ACSL4: variants seen among roughly 807,000 people sequenced by gnomAD.
ACSL4 encodes the protein long-chain-fatty-acid--CoA ligase 4.
ACSL4 carries 9 observed loss-of-function variants against 49.1 expected under a neutral mutation model. The ratio of observed to expected loss-of-function variants is 0.18; its 90% CI spans 0.11 to 0.32. ACSL4 has a LOEUF of 0.32. Ranked by LOEUF, ACSL4 falls within the 10% of genes least tolerant of loss-of-function variation. ACSL4 has a pLI of 1.00. For synonymous variants in ACSL4, 191 were observed against 170.3 expected, an observed-to-expected ratio of 1.12 and a Z score of -0.95; for missense variants, 333 against 493.7, an observed-to-expected ratio of 0.67 and a Z score of 3.08.
Position 109,665,642 on chromosome X carries a change from C to T in ACSL4, c.1316-148G>A, listed in dbSNP as rs190547829. 1.1e-3 allele frequency: 577 copies of T among 512,718 alleles called. 3 individuals are homozygous for T. The African/African-American group carries it at 0.012, about 11-fold the overall frequency. The allele number at this position is 512,718 out of a possible 1,213,427, so 42.3% of individuals were successfully genotyped here. Reference sequence around the variant, plus strand: ...ATCATTTTTCAGTATTTCAACTCCACTTCAATAGTGCAATGGATTCCATTG... The same window carrying T: ...ATCATTTTTCAGTATTTCAACTCCATTTCAATAGTGCAATGGATTCCATTG... On this transcript the variant is annotated intron_variant, in intron 11 of 15. Coordinates refer to ENST00000672401, the MANE Select transcript of ACSL4 (RefSeq NM_001318510.2).
At position 109,730,241 on chromosome X, in the gene ACSL4, G is replaced by T. The variant is rs865920453; in HGVS notation, c.-66+2898C>A. Among the ~76,000 whole-genome samples, 354 of 112,290 alleles carry T rather than the reference G, an allele frequency of 3.2e-3. 1 individual carries two copies. The highest frequency in any genetic ancestry group is 0.011 in the African/African-American group (328 of 30,907). ...AGCGTATTATTTCTTACAACTATAT[G>T]TGAATCTACAACTATCTCAAAATAA... On this transcript the variant is annotated intron_variant, in intron 1 of 15. Coordinates refer to ENST00000672401, the MANE Select transcript of ACSL4 (RefSeq NM_001318510.2).
intron 1 of ACSL4, among the ~76,000 whole-genome samples, chrX:109,723,076 A>T (rs1202386347): frequency 9.0e-6 from 1 of 111,562 alleles, no homozygotes; most frequent in African/African-American, 3.3e-5. Context: ...TCGATAGCAG[A>T]AAACATCATT....
intron 14 of ACSL4, among the ~76,000 whole-genome samples, chrX:109,661,108 A>T (rs903348331): frequency 8.9e-6 from 1 of 111,908 alleles, no homozygotes; most frequent in Non-Finnish European, 1.9e-5. Context: ...TACAATTTTT[A>T]AAAAAGAATA....
At chrX:109,648,573 G>A (rs1224196721) in intron 15 of ACSL4, among the ~76,000 whole-genome samples, 2 of 111,656 alleles carry the variant, frequency 1.8e-5, no homozygotes, top group African/African-American at 3.3e-5. Flanking sequence ...ACATTATACT[G>A]AATGGGCAAA....
At chrX:109,683,070 G>A (rs1314831606) in intron 3 of ACSL4, 66 bp downstream of exon 3, 7 of 1,126,829 alleles carry the variant, frequency 6.2e-6, no homozygotes, top group East Asian at 6.1e-5. Context: ...AAACGCACTC[G>A]ATTTATGATA....
chrX:109,701,852 C>T (rs769745541), intron 1 of ACSL4, among the ~76,000 whole-genome samples: 76 of 95,605 alleles, frequency 7.9e-4, no homozygotes, highest in African/African-American at 2.7e-3. Context: ...CTAACACATA[C>T]AATTTTTAAA....
chrX:109,653,265 C>T (rs1042247185), intron 15 of ACSL4, among the ~76,000 whole-genome samples: 1 of 111,799 alleles, frequency 8.9e-6, no homozygotes, highest in African/African-American at 3.3e-5. Flanking sequence ...TACCATCTCA[C>T]ACCAGTTAGA....
intron 2 of ACSL4, among the ~76,000 whole-genome samples, chrX:109,686,354 T>C (rs1603406205): frequency 8.9e-6 from 1 of 112,306 alleles, no homozygotes; most frequent in East Asian, 2.8e-4. Flanking sequence ...CATCAAAGGA[T>C]AGTCATAATC....
In ACSL4 at chrX:109,725,741, A is replaced by AAAAAT. The variant is rs774145372; in HGVS notation, c.-66+7393_-66+7397dup. On this transcript the variant is annotated intron_variant, in intron 1 of 15. Transcript: ENST00000672401. ...GGCAAAAGAGCGAGACTCCATCTCA[A>AAAAAT]AAAATAAAATAAAATAAAATAAAAT... Among the ~76,000 whole-genome samples the AAAAAT allele has an allele frequency of 3.2e-3, 357 of 111,514 alleles. 3 individuals carry two copies. The highest frequency in any genetic ancestry group is 0.011 in the African/African-American group (332 of 30,633).
intron 2 of ACSL4, among the ~76,000 whole-genome samples, chrX:109,693,907 T>C (rs1341566161): frequency 9.0e-6 from 1 of 111,636 alleles, no homozygotes. Flanking sequence ...GCTATAAATA[T>C]GTATGTGTGT....
At chrX:109,695,465 C>G (rs912475612) in intron 2 of ACSL4, among the ~76,000 whole-genome samples, 1 of 110,276 alleles carries the variant, frequency 9.1e-6, no homozygotes, top group Non-Finnish European at 1.9e-5. Flanking sequence ...CGCCTGTAAT[C>G]CAGCACTTTG....
intron 15 of ACSL4, among the ~76,000 whole-genome samples, chrX:109,646,737 C>A (rs1368588443): frequency 5.4e-5 from 6 of 110,094 alleles, no homozygotes; most frequent in African/African-American, 1.3e-4. Context: ...AAATTGGATA[C>A]AGAGTCAAGA....
At chrX:109,716,636 C>T (rs1417205212) in intron 1 of ACSL4, among the ~76,000 whole-genome samples, 1 of 112,221 alleles carries the variant, frequency 8.9e-6, no homozygotes, top group South Asian at 3.7e-4. Flanking sequence ...ACACAGCCAA[C>T]GGAGGTTTCA....
intron 2 of ACSL4, among the ~76,000 whole-genome samples, chrX:109,690,919 G>T (rs951347682): frequency 9.0e-6 from 1 of 110,867 alleles, no homozygotes; most frequent in African/African-American, 3.3e-5. Flanking sequence ...GAAAGCATTA[G>T]TGATACATTA....
At chrX:109,671,359 G>A (rs776065881) in intron 9 of ACSL4, among the ~76,000 whole-genome samples, 3 of 110,409 alleles carry the variant, frequency 2.7e-5, no homozygotes, top group East Asian at 2.9e-4. Context: ...CGGCCTCCCC[G>A]TCTGAGAAGT....
intron 2 of ACSL4, chrX:109,692,239 C>G (rs1443719382): frequency 9.0e-6 from 1 of 111,611 alleles, no homozygotes; most frequent in African/African-American, 3.3e-5. Flanking sequence ...AGTATCCTAT[C>G]TATGTATGTT....
intron 4 of ACSL4, among the ~76,000 whole-genome samples, chrX:109,682,452 A>G (rs1451373242): frequency 1.1e-5 from 1 of 94,352 alleles, no homozygotes; most frequent in African/African-American, 4.1e-5. Flanking sequence ...CAACTCTTTC[A>G]GTTACAATTC....
rs781528496 is a variant in ACSL4, at chrX:109,726,131, A to C, written c.-66+7008T>G. Among the ~76,000 whole-genome samples, 14 of 112,640 alleles carry C rather than the reference A, an allele frequency of 1.2e-4. 3 individuals carry two copies. The South Asian group carries it at 1.4e-3, about 12-fold the overall frequency. Reference sequence around the variant, plus strand: ...AACAAATTACCTTTTAAAAACAAATACAAGCAGGCTTAGCACGGTGGCTCA... The same window carrying C: ...AACAAATTACCTTTTAAAAACAAATCCAAGCAGGCTTAGCACGGTGGCTCA... On this transcript the variant is annotated intron_variant, in intron 1 of 15. Coordinates refer to ENST00000672401, the MANE Select transcript of ACSL4 (RefSeq NM_001318510.2).
In ACSL4 at chrX:109,719,924, C is replaced by T. The variant is rs974133853; in HGVS notation, c.-66+13215G>A. On this transcript the variant is annotated intron_variant, in intron 1 of 15. Transcript: ENST00000672401. ...AAGAGAATCGCTTGAACCCGGGAGG[C>T]GGAGGTTGAGATGAGCTGAGATCGT... 3.6e-5 allele frequency among the ~76,000 whole-genome samples: 4 copies of T among 110,985 alleles called. No homozygotes were observed. The South Asian group carries it at 1.1e-3, about 31-fold the overall frequency.
Sources: gnomAD v4.1 joint callset for allele counts (sites outside exome capture counted in the v4.1 genomes callset) on GRCh38, gnomAD v4.1.1 for gene constraint, MANE v1.5 for transcripts, NCBI Gene and HGNC (gene_info 2026-07-23, HGNC 2026-07-21) for gene names.